Variants in PKD1L3 observed in about 807,000 individuals in gnomAD.
PKD1L3 encodes the protein polycystin-1-like protein 3.
A neutral mutation model predicts 184.1 loss-of-function variants in PKD1L3; 239 were observed. That is an observed-to-expected ratio of 1.30 (90% CI 1.17 to 1.45). The LOEUF (loss-of-function observed/expected upper bound fraction) is 1.45, where lower values mean the gene tolerates loss of function less well. Ranked by LOEUF, PKD1L3 falls within the 40% of genes most tolerant of loss-of-function variation. The pLI is 0.00. For missense variants in PKD1L3, 2,660 were observed against 2,067.2 expected (o/e 1.29, Z -5.56); for synonymous variants, 996 against 778.8 (o/e 1.28, Z -4.64).
chr16:71,950,281 A>G lies in PKD1L3; in HGVS notation c.3220T>C (p.Cys1074Arg), dbSNP rs764199129. The change falls in exon 20 of 30, where the codon TGT becomes CGT. Residue 1074 changes from cysteine to arginine, a missense_variant. Physicochemically the swap from Cys to Arg is radical, Grantham distance 180. Coordinates refer to ENST00000620267, the MANE Select transcript of PKD1L3 (RefSeq NM_181536.2). ...VVPENHHHFC[C>R]YLHRVLQRLK... ...CTCTGCAGAACTCTATGCAGGTAAC[A>G]GCAGAAATGATGGTGGTTTTCAGGA... 77 of 1,533,572 alleles carry G rather than the reference A, an allele frequency of 5.0e-5. 1 individual carries two copies. The South Asian group carries it at 9.3e-4, about 19-fold the overall frequency. The allele number at this position is 1,533,572 out of a possible 1,614,324, so 95.0% of individuals were successfully genotyped here. A position where few individuals can be genotyped will look rare whatever the true frequency, so the allele number is the denominator to read the frequency against.
chr16:71,961,730 T>C (rs924212163), intron 16 of PKD1L3, among the ~76,000 whole-genome samples: 1 of 152,156 alleles, frequency 6.6e-6, no homozygotes, highest in African/African-American at 2.4e-5. Flanking sequence ...TCCCCAGCCA[T>C]GGCCTCACTG....
intron 2 of PKD1L3, among the ~76,000 whole-genome samples, 170 bp from the exon 3 acceptor site, chr16:71,993,502 C>G (rs1349745889): frequency 2.6e-5 from 4 of 152,188 alleles, no homozygotes; most frequent in Admixed American, 2.6e-4. Context: ...TTGCTCTGCT[C>G]ACATTATGGT....
At position 71,935,495 on chromosome 16, in the gene PKD1L3, C is replaced by T; in HGVS notation, c.4476G>A (p.Lys1492=). The T allele has an allele frequency of 1.9e-6, 3 of 1,552,204 alleles. No individual in the cohort carries two copies. Among genetic ancestry groups the T allele is most frequent in the Non-Finnish European group, 1.7e-6 (2 of 1,147,078 alleles). ...TTCTTTTCCCAGTGAAGAACCTCCA[C>T]TTCTGCTGTTTCAGCTGACAACCCT... ...FIQGCQLKQQ[K]WRFFTGKRNI... Residue 1492 remains lysine (K), a synonymous_variant, in exon 26 of 30, where the codon AAG becomes AAA. Coordinates refer to ENST00000620267, the MANE Select transcript of PKD1L3 (RefSeq NM_181536.2).
chr16:71,955,301 G>A (rs1304469639), intron 16 of PKD1L3, among the ~76,000 whole-genome samples: 1 of 151,846 alleles, frequency 6.6e-6, no homozygotes, highest in Non-Finnish European at 1.5e-5. Context: ...GGCAGGGAGA[G>A]GAGTGGGAGG....
intron 17 of PKD1L3, 53 bp from the exon 18 acceptor site, chr16:71,953,146 A>G: frequency 1.3e-6 from 1 of 784,596 alleles, no homozygotes; most frequent in Non-Finnish European, 1.8e-6. Context: ...AAATAATCGC[A>G]AAGTCATTCC....
At chr16:71,933,308 TCC>T in intron 28 of PKD1L3, 110 bp downstream of exon 28, 2 of 766,272 alleles carry the variant, frequency 2.6e-6, no homozygotes, top group East Asian at 2.7e-5. Context: ...ACTGAAATTT[TCC>T]CCCTTTTCCA....
At chr16:71,996,130 T>G (rs2040774160) in intron 2 of PKD1L3, among the ~76,000 whole-genome samples, 1 of 152,156 alleles carries the variant, frequency 6.6e-6, no homozygotes, top group Non-Finnish European at 1.5e-5. Flanking sequence ...AGAGATGCCT[T>G]TATCCAGTTT....
At chr16:71,986,003 T>C (rs182524080) in intron 5 of PKD1L3, among the ~76,000 whole-genome samples, 1 of 152,348 alleles carries the variant, frequency 6.6e-6, no homozygotes, top group African/African-American at 2.4e-5. Context: ...AAGCATTAAA[T>C]AGAATAGCAT....
intron 24 of PKD1L3, among the ~76,000 whole-genome samples, chr16:71,938,231 GT>G (rs2038245503): frequency 6.6e-6 from 1 of 152,242 alleles, no homozygotes. Context: ...TTGGAGCAAA[GT>G]TTTGGCCAAG....
At chr16:71,994,919 T>G (rs1597380781) in intron 2 of PKD1L3, among the ~76,000 whole-genome samples, 1 of 151,630 alleles carries the variant, frequency 6.6e-6, no homozygotes, top group Admixed American at 6.6e-5. Context: ...ACCCAGGAGG[T>G]GGAGGTTGCA....
chr16:71,985,729 G>C (rs1366086260), intron 5 of PKD1L3, among the ~76,000 whole-genome samples: 1 of 152,138 alleles, frequency 6.6e-6, no homozygotes, highest in African/African-American at 2.4e-5. Flanking sequence ...ACTGTGCCTG[G>C]CTAATTTTTT....
chr16:71,976,759 T>C (rs1362750906), intron 11 of PKD1L3, among the ~76,000 whole-genome samples: 4 of 152,100 alleles, frequency 2.6e-5, no homozygotes, highest in Non-Finnish European at 5.9e-5. Context: ...TCTCCACTTT[T>C]TGAGACGGAG....
At chr16:71,962,394 G>A (rs2143523321) in intron 16 of PKD1L3, among the ~76,000 whole-genome samples, 1 of 152,246 alleles carries the variant, frequency 6.6e-6, no homozygotes, top group South Asian at 2.1e-4. Flanking sequence ...AAGATACATG[G>A]ATACCTAGAA....
At chr16:71,984,548 G>A (rs907811833) in intron 5 of PKD1L3, among the ~76,000 whole-genome samples, 10 of 152,176 alleles carry the variant, frequency 6.6e-5, no homozygotes, top group African/African-American at 1.9e-4. Flanking sequence ...CTGTGTGTGT[G>A]TTTCCCTCCA....
rs1158411107 is a variant in PKD1L3 at position 71,978,308 on chromosome 16, G to A, written c.1474C>T (p.Leu492=). ...NIVGSIGSVL[L]SANRKLLQVH... ...TGGAGCAATTTACGATTAGCGCTTA[G>A]TAACACACTTCCAATGCTTCCAACA... The change falls in exon 10 of 30, where the codon CTA becomes TTA. Residue 492 remains leucine (L), a synonymous_variant. Coordinates refer to ENST00000620267, the MANE Select transcript of PKD1L3 (RefSeq NM_181536.2). 1.9e-6 allele frequency: 3 copies of A among 1,550,814 alleles called. No homozygotes were observed. Among genetic ancestry groups the A allele is most frequent in the Non-Finnish European group, 2.6e-6 (3 of 1,146,494 alleles).
chr16:71,935,442 A>G lies in PKD1L3; in HGVS notation c.4529T>C (p.Ile1510Thr). 1 of 1,552,134 alleles carries G rather than the reference A, an allele frequency of 6.4e-7. No homozygotes were observed. The highest frequency in any genetic ancestry group is 8.7e-7 in the Non-Finnish European group (1 of 1,147,050). Residue 1510 changes from isoleucine to threonine, a missense_variant, in exon 26 of 30, where the codon ATT becomes ACT. Transcript: ENST00000620267. ...GTCAAGCCCCAGGAGGATGAAGCTA[A>G]TGAGGATTATACTTGTGTCCAGAAT... is the stretch of plus-strand genomic sequence containing the variant. ...RNILDTSIIL[I>T]SFILLGLDMK...
At chr16:71,947,469 G>C (rs779037208) in intron 22 of PKD1L3, 23 bp downstream of exon 22, 4 of 1,472,998 alleles carry the variant, frequency 2.7e-6, no homozygotes, top group African/African-American at 2.8e-5. Flanking sequence ...AAATTAGGTA[G>C]TTGTTAGAAC....
chr16:71,980,215 G>C, intron 7 of PKD1L3, 81 bp from the exon 8 acceptor site: 2 of 1,467,120 alleles, frequency 1.4e-6, no homozygotes, highest in Non-Finnish European at 1.8e-6. Context: ...GAGAAGATTG[G>C]AAGGGGAATT....
intron 4 of PKD1L3, among the ~76,000 whole-genome samples, chr16:71,990,021 G>C (rs1451964404): frequency 2.0e-5 from 3 of 149,862 alleles, no homozygotes; most frequent in African/African-American, 4.9e-5. Context: ...GTTGCAGTGA[G>C]CCAAGATGGA....
Sources: gnomAD v4.1 joint callset for allele counts (sites outside exome capture counted in the v4.1 genomes callset) on GRCh38, gnomAD v4.1.1 for gene constraint, MANE v1.5 for transcripts, NCBI Gene and HGNC (gene_info 2026-07-23, HGNC 2026-07-21) for gene names.